The following C2CD3 variants were observed in gnomAD, a reference collection of about 807,000 sequenced individuals.
C2CD3 encodes C2 domain-containing protein 3.
C2CD3 carries 148 observed loss-of-function variants against 234.0 expected under a neutral mutation model. That is an observed-to-expected ratio of 0.63 (90% CI 0.55 to 0.72). The LOEUF is 0.72. Ranked by LOEUF, C2CD3 falls within the 30% of genes least tolerant of loss-of-function variation. C2CD3 has a pLI of 0.00. For missense variants in C2CD3, 2,577 were observed against 2,811.5 expected (o/e 0.92, Z 1.89); for synonymous variants, 1,000 against 1,035.4 (o/e 0.97, Z 0.66).
chr11:74,041,139 T>A (rs1192174269), intron 29 of C2CD3, among the ~76,000 whole-genome samples: 1 of 152,164 alleles, frequency 6.6e-6, no homozygotes, highest in Admixed American at 6.5e-5. Context: ...CTTTCATTTT[T>A]CCTTAAATTT....
intron 3 of C2CD3, among the ~76,000 whole-genome samples, chr11:74,160,135 T>C (rs1268247655): frequency 6.6e-6 from 1 of 152,178 alleles, no homozygotes; most frequent in Non-Finnish European, 1.5e-5. Flanking sequence ...AGGTGTATAG[T>C]AGGCTATACC....
Position 74,090,832 on chromosome 11 carries a change from C to T in C2CD3, c.3622G>A (p.Gly1208Ser), listed in dbSNP as rs766843899. The change falls in exon 20 of 33, where the codon GGT (glycine) becomes AGT (serine). Residue 1208 changes from glycine (G) to serine (S), a missense_variant. By Grantham distance (56) the Gly-to-Ser change is moderately conservative (BLOSUM62 0). Coordinates refer to ENST00000334126, the MANE Select transcript of C2CD3 (RefSeq NM_001286577.2). ...SISVQIIRAC[G>S]LQAAAKALAE... ...ACTTACTTGGCTGCTGCTTGCAGAC[C>T]ACAGGCTCTGATAATCTGGACTGAG... The T allele has an allele frequency of 3.7e-6, 6 of 1,614,132 alleles. No individual in the cohort carries two copies. Among genetic ancestry groups the T allele is most frequent in the South Asian group, 1.1e-5 (1 of 91,084 alleles).
At chr11:74,143,308 T>C (rs1358088757) in intron 3 of C2CD3, among the ~76,000 whole-genome samples, 1 of 152,100 alleles carries the variant, frequency 6.6e-6, no homozygotes, top group African/African-American at 2.4e-5. Context: ...ACAATCATGT[T>C]GGTCAATGCA....
chr11:74,131,073 C>T (rs1297574665), intron 7 of C2CD3, among the ~76,000 whole-genome samples: 4 of 151,660 alleles, frequency 2.6e-5, no homozygotes, highest in Admixed American at 2.6e-4. Flanking sequence ...CTCAGCCTCC[C>T]AAGTAGCTGG....
chr11:74,121,184 T>A (rs1957201806), intron 8 of C2CD3, among the ~76,000 whole-genome samples: 1 of 152,092 alleles, frequency 6.6e-6, no homozygotes, highest in Admixed American at 6.6e-5. Context: ...CATACAGGCT[T>A]TTTGTCAGAT....
intron 11 of C2CD3, chr11:74,110,679 CT>C (rs1956709439): frequency 2.0e-5 from 3 of 152,230 alleles, no homozygotes; most frequent in Admixed American, 2.0e-4. Context: ...TGTTCTTGCA[CT>C]GTTACTATAT....
At chr11:74,025,373 G>A (rs147947493) in intron 32 of C2CD3, among the ~76,000 whole-genome samples, 2,462 of 152,160 alleles carry the variant, frequency 0.016, 53 homozygotes, top group African/African-American at 0.046. Context: ...TGAGGCAGGC[G>A]GATCACAAGG....
intron 26 of C2CD3, among the ~76,000 whole-genome samples, chr11:74,053,885 AGGCAGGAGATTGC>A (rs59268266): frequency 0.12 from 18,222 of 152,062 alleles, 3,467 homozygotes; most frequent in African/African-American, 0.41. Flanking sequence ...TGGGAGGCTG[AGGCAGGAGATTGC>A]GGCAGGAGAT....
chr11:74,048,178 T>C, intron 28 of C2CD3, 27 bp downstream of exon 28: 1 of 1,609,286 alleles, frequency 6.2e-7, no homozygotes. Context: ...TAACCCCATT[T>C]CTTCTCATCA....
intron 24 of C2CD3, among the ~76,000 whole-genome samples, chr11:74,071,462 T>C (rs754724146): frequency 3.3e-4 from 50 of 152,340 alleles, no homozygotes; most frequent in Non-Finnish European, 6.8e-4. Flanking sequence ...CTGCCCATTG[T>C]CTCTTTGAGT....
At chr11:74,097,369 T>A (rs1263998426) in intron 16 of C2CD3, among the ~76,000 whole-genome samples, 1 of 152,124 alleles carries the variant, frequency 6.6e-6, no homozygotes, top group East Asian at 1.9e-4. Context: ...GAAGATACAG[T>A]AGTACATGAT....
chr11:74,117,963 G>C (rs1312391675), intron 9 of C2CD3, among the ~76,000 whole-genome samples: 1 of 151,176 alleles, frequency 6.6e-6, no homozygotes, highest in Admixed American at 6.6e-5. Flanking sequence ...CATATTGCTT[G>C]GGTGATGGGA....
chr11:74,032,493 G>A (rs965358443), intron 31 of C2CD3, among the ~76,000 whole-genome samples: 1 of 126,200 alleles, frequency 7.9e-6, no homozygotes, highest in African/African-American at 5.1e-5. Context: ...GGTGCCCCCT[G>A]TTCCCATCAA....
At chr11:74,137,546 T>C (rs1202458217) in intron 5 of C2CD3, among the ~76,000 whole-genome samples, 1 of 150,346 alleles carries the variant, frequency 6.7e-6, no homozygotes, top group African/African-American at 2.4e-5. Context: ...TATATATATA[T>C]ATATACTTTT....
At position 74,103,454 on chromosome 11, in the gene C2CD3, G is replaced by T; in HGVS notation, c.2257C>A (p.His753Asn). ...TGTGCTTTCTTTGCAGTTTCCTCAT[G>T]AATTTGGTTTAAGTTTTGTGGATTT... Reference protein sequence around the residue: ...TKNPQNLNQIHEETAKKAQNL... With the variant: ...TKNPQNLNQINEETAKKAQNL... The change falls in exon 14 of 33, where the codon CAT (histidine) becomes AAT (asparagine). Residue 753 changes from histidine (H) to asparagine (N), a missense_variant. Transcript: ENST00000334126. 1 of 1,614,188 alleles carries T rather than the reference G, an allele frequency of 6.2e-7. No homozygotes were observed. Among genetic ancestry groups the T allele is most frequent in the African/African-American group, 1.3e-5 (1 of 75,052 alleles).
intron 18 of C2CD3, among the ~76,000 whole-genome samples, chr11:74,093,425 G>T (rs1182765166): frequency 1.3e-5 from 2 of 150,718 alleles, no homozygotes; most frequent in Admixed American, 1.3e-4. Context: ...CAGGTTACAA[G>T]AAATGAGTTT....
Position 74,103,526 on chromosome 11 carries a change from G to C in C2CD3, c.2185C>G (p.Pro729Ala), listed in dbSNP as rs752815422. 14 of 1,614,100 alleles carry C rather than the reference G, an allele frequency of 8.7e-6. No homozygotes were observed. The South Asian group carries it at 1.5e-4, about 18-fold the overall frequency. The change falls in exon 14 of 33, where the codon CCA becomes GCA. Residue 729 changes from proline to alanine, a missense_variant. Physicochemically the swap from Pro to Ala is conservative, Grantham distance 27 (BLOSUM62 -1). Coordinates refer to ENST00000334126, the MANE Select transcript of C2CD3 (RefSeq NM_001286577.2). ...HYTPLCAPTS[P>A]NKALPELNQD... is the part of the protein sequence containing the mutation. ...TTAAGTTCTGGTAGTGCCTTATTTG[G>C]ACTTGTAGGAGCACAAAGTGGGGTA...
chr11:74,074,401 G>A lies in C2CD3; in HGVS notation c.4803C>T (p.Ser1601=), dbSNP rs1954936356. 1 of 1,614,096 alleles carries A rather than the reference G, an allele frequency of 6.2e-7. No individual in the cohort carries two copies. ...EVQLSPPEVI[S]CHQKSPASTQ... ...TGGAGGCAGGAGACTTCTGGTGGCA[G>A]GAGATGACTTCTGGTGGAGAGAGCT... The change falls in exon 24 of 33, where the codon TCC becomes TCT. Residue 1601 remains serine, a synonymous_variant. Coordinates refer to ENST00000334126, the MANE Select transcript of C2CD3 (RefSeq NM_001286577.2).
chr11:74,165,647 T>C (rs1234123827), intron 2 of C2CD3, among the ~76,000 whole-genome samples: 1 of 152,036 alleles, frequency 6.6e-6, no homozygotes, highest in Non-Finnish European at 1.5e-5. Context: ...ATCTCTTCAT[T>C]TTCTGTCATT....
Sources: gnomAD v4.1 joint callset for allele counts (sites outside exome capture counted in the v4.1 genomes callset) on GRCh38, gnomAD v4.1.1 for gene constraint, MANE v1.5 for transcripts, NCBI Gene and HGNC (gene_info 2026-07-23, HGNC 2026-07-21) for gene names.